Variants in DMD observed in about 807,000 individuals in gnomAD.
DMD encodes the protein dystrophin.
A neutral mutation model predicts 330.1 loss-of-function variants in DMD; 63 were observed. The ratio of observed to expected loss-of-function variants is 0.19; its 90% CI spans 0.16 to 0.24. The LOEUF (loss-of-function observed/expected upper bound fraction) is 0.24, where lower values mean the gene tolerates loss of function less well. Ranked by LOEUF, DMD falls within the 10% of genes least tolerant of loss-of-function variation. The pLI, the probability that DMD is intolerant of heterozygous loss-of-function variation, is 1.00. For missense variants in DMD, 3,344 were observed against 2,684.1 expected (o/e 1.25, Z -5.43); for synonymous variants, 1,223 against 959.8 (o/e 1.27, Z -5.07).
At chrX:31,717,212 T>C (rs1275995691) in intron 52 of DMD, among the ~76,000 whole-genome samples, 2 of 111,761 alleles carry the variant, frequency 1.8e-5, no homozygotes, top group African/African-American at 6.5e-5. Flanking sequence ...AAAGTTAGAT[T>C]TTATTTGTCC....
chrX:32,902,864 T>C (rs1450618295), intron 2 of DMD, among the ~76,000 whole-genome samples: 4 of 110,009 alleles, frequency 3.6e-5, no homozygotes, highest in Admixed American at 1.9e-4. Flanking sequence ...CAAGAAACTA[T>C]AAAGAAATTT....
intron 51 of DMD, among the ~76,000 whole-genome samples, chrX:31,737,710 T>TA (rs34800443): frequency 4.5e-5 from 5 of 110,110 alleles, no homozygotes; most frequent in African/African-American, 1.7e-4. Flanking sequence ...AGCAACAGTA[T>TA]AAAAAAAATA....
intron 44 of DMD, among the ~76,000 whole-genome samples, chrX:31,996,729 G>C (rs749007547): frequency 1.8e-5 from 2 of 111,229 alleles, no homozygotes; most frequent in Non-Finnish European, 3.8e-5. Flanking sequence ...TCAGCCTTAC[G>C]TAGCGTTGCA....
intron 37 of DMD, among the ~76,000 whole-genome samples, chrX:32,351,105 C>G: frequency 9.1e-6 from 1 of 110,397 alleles, no homozygotes. Flanking sequence ...AGAATGGTGT[C>G]TGGTATATAA....
intron 50 of DMD, among the ~76,000 whole-genome samples, chrX:31,802,424 CA>C (rs1001999539): frequency 2.7e-5 from 3 of 111,113 alleles, no homozygotes; most frequent in African/African-American, 9.8e-5. Flanking sequence ...CTAGGCAAAT[CA>C]AGACTATGAT....
At chrX:31,198,313 G>A (rs2043114059) in intron 67 of DMD, among the ~76,000 whole-genome samples, 1 of 111,418 alleles carries the variant, frequency 9.0e-6, no homozygotes, top group African/African-American at 3.3e-5. Context: ...TGAATTCCTG[G>A]GCGCAAGTGA....
At chrX:32,887,276 G>A (rs1347020486) in intron 2 of DMD, among the ~76,000 whole-genome samples, 1 of 110,332 alleles carries the variant, frequency 9.1e-6, no homozygotes, top group African/African-American at 3.3e-5. Flanking sequence ...GAACCCGGGA[G>A]GCGGAGCTTG....
At chrX:32,587,592 G>A (rs1442513399) in intron 13 of DMD, among the ~76,000 whole-genome samples, 1 of 110,697 alleles carries the variant, frequency 9.0e-6, no homozygotes, top group Admixed American at 9.7e-5. Flanking sequence ...GATAAGATTG[G>A]GCAGTATTTC....
chrX:32,722,087 A>C (rs2066380366), intron 7 of DMD, among the ~76,000 whole-genome samples: 1 of 110,180 alleles, frequency 9.1e-6, no homozygotes, highest in South Asian at 3.9e-4. Flanking sequence ...AAATCCAAAG[A>C]GCAGTATTTC....
chrX:31,901,100 C>G (rs528165215), intron 47 of DMD, among the ~76,000 whole-genome samples: 2 of 111,360 alleles, frequency 1.8e-5, no homozygotes, highest in Admixed American at 1.9e-4. Context: ...AATAATGTAT[C>G]GGATCACTTT....
intron 16 of DMD, among the ~76,000 whole-genome samples, chrX:32,556,328 G>A (rs977744202): frequency 9.0e-6 from 1 of 111,041 alleles, no homozygotes; most frequent in Non-Finnish European, 1.9e-5. Flanking sequence ...ATGCTGGTGA[G>A]GTTGTGGAGA....
At chrX:32,567,155 A>G (rs2051822043) in intron 15 of DMD, among the ~76,000 whole-genome samples, 1 of 111,408 alleles carries the variant, frequency 9.0e-6, no homozygotes, top group African/African-American at 3.3e-5. Flanking sequence ...GGCTCCTTCA[A>G]TTAGTTTGTC....
At chrX:32,941,916 G>A (rs1426742301) in intron 2 of DMD, among the ~76,000 whole-genome samples, 1 of 111,776 alleles carries the variant, frequency 8.9e-6, no homozygotes, top group South Asian at 3.7e-4. Flanking sequence ...TTGAAGTCCA[G>A]CTTTACAACA....
At chrX:33,085,290 T>C (rs2094988503) in intron 1 of DMD, among the ~76,000 whole-genome samples, 1 of 111,610 alleles carries the variant, frequency 9.0e-6, no homozygotes, top group African/African-American at 3.3e-5. Context: ...AGTGATTCAA[T>C]TTCTAAAGGC....
chrX:33,297,541 A>T (rs2053601284), intron 1 of DMD, among the ~76,000 whole-genome samples: 1 of 111,410 alleles, frequency 9.0e-6, no homozygotes, highest in African/African-American at 3.3e-5. Flanking sequence ...GTACTCTGAC[A>T]TTTATTGCTG....
intron 1 of DMD, among the ~76,000 whole-genome samples, chrX:33,256,218 C>T (rs2052854476): frequency 9.0e-6 from 1 of 110,998 alleles, no homozygotes; most frequent in Admixed American, 9.6e-5. Flanking sequence ...GATAAAGCCA[C>T]AAATTTCTTG....
At chrX:32,375,162 C>A in intron 34 of DMD, among the ~76,000 whole-genome samples, 1 of 111,159 alleles carries the variant, frequency 9.0e-6, no homozygotes, top group South Asian at 3.9e-4. Context: ...TATTCATTCC[C>A]TTGACTCTGC....
intron 78 of DMD, among the ~76,000 whole-genome samples, chrX:31,122,421 C>T (rs1001565885): frequency 1.8e-5 from 2 of 110,970 alleles, no homozygotes; most frequent in Non-Finnish European, 3.8e-5. Flanking sequence ...TCACCAGCAC[C>T]CAACCATCGT....
intron 18 of DMD, among the ~76,000 whole-genome samples, chrX:32,505,325 AAAAC>A (rs2044508958): frequency 2.7e-5 from 3 of 112,532 alleles, no homozygotes; most frequent in East Asian, 2.8e-4. Context: ...CTCAGTAACA[AAAAC>A]AAACAAACTA....
Sources: gnomAD v4.1 joint callset for allele counts (sites outside exome capture counted in the v4.1 genomes callset) on GRCh38, gnomAD v4.1.1 for gene constraint, MANE v1.5 for transcripts, NCBI Gene and HGNC (gene_info 2026-07-23, HGNC 2026-07-21) for gene names.